ATP6V0E1: variants seen among roughly 807,000 people sequenced by gnomAD.
The protein encoded by ATP6V0E1 is ATPase H+ transporting V0 subunit e1, also known as V-type proton ATPase subunit e 1.
Under a neutral mutation model 11.6 loss-of-function variants are expected in ATP6V0E1, and 4 were observed. The observed-to-expected ratio is 0.35, with a 90% CI of 0.17 to 0.79. The LOEUF is 0.79. Ranked by LOEUF, ATP6V0E1 falls within the 30% of genes least tolerant of loss-of-function variation. The pLI, the probability that ATP6V0E1 is intolerant of heterozygous loss-of-function variation, is 0.54. For missense variants in ATP6V0E1, 105 were observed against 100.0 expected (o/e 1.05, Z -0.21); for synonymous variants, 36 against 34.8 (o/e 1.04, Z -0.13).
chr5:172,984,280 G>T lies in ATP6V0E1; in HGVS notation c.104+316G>T, dbSNP rs553590323. Among the ~76,000 whole-genome samples, 20 of 152,316 alleles carry T rather than the reference G, an allele frequency of 1.3e-4. No individual in the cohort carries two copies. The East Asian group carries it at 3.7e-3, about 28-fold the overall frequency. ...AGCAGGCCGAATCTGGGAGAAACTG[G>T]GGTTTGTCCCTAGTCGACTGTCCCC... is the stretch of plus-strand genomic sequence containing the variant. On this transcript the variant is annotated intron_variant, in intron 1 of 3. Coordinates refer to ENST00000519374, the MANE Select transcript of ATP6V0E1 (RefSeq NM_003945.4).
intron 2 of ATP6V0E1, among the ~76,000 whole-genome samples, chr5:173,013,981 T>C (rs576058231): frequency 1.3e-5 from 2 of 152,128 alleles, no homozygotes; most frequent in East Asian, 3.9e-4. Context: ...ATGTTCAACA[T>C]GGTGGAACCC....
At position 172,983,780 on chromosome 5, in the gene ATP6V0E1, G is replaced by A. The variant is rs1169868170; in HGVS notation, c.-81G>A. 4.3e-6 allele frequency: 6 copies of A among 1,382,056 alleles called. No homozygotes were observed. The highest frequency in any genetic ancestry group is 2.8e-5 in the African/African-American group (2 of 70,350). The allele number at this position is 1,382,056 out of a possible 1,614,324, so 85.6% of individuals were successfully genotyped here. Reference sequence around the variant, plus strand: ...GCGGGAGGCGGGGCTTGCACACGCTGGTCACGCGGTCAGCTATTGACACTT... The same window carrying A: ...GCGGGAGGCGGGGCTTGCACACGCTAGTCACGCGGTCAGCTATTGACACTT... On this transcript the variant is annotated 5_prime_UTR_variant, in exon 1 of 4. Coordinates refer to ENST00000519374, the MANE Select transcript of ATP6V0E1 (RefSeq NM_003945.4).
intron 2 of ATP6V0E1, among the ~76,000 whole-genome samples, chr5:173,019,337 C>T (rs866019560): frequency 3.3e-5 from 5 of 152,032 alleles, no homozygotes; most frequent in Admixed American, 6.6e-5. Context: ...GGGCACATCA[C>T]GAGGTCAGGA....
At chr5:173,013,186 A>C (rs1029016340) in intron 2 of ATP6V0E1, among the ~76,000 whole-genome samples, 1 of 152,004 alleles carries the variant, frequency 6.6e-6, no homozygotes, top group African/African-American at 2.4e-5. Context: ...TTGTGTTAAA[A>C]AAAAGAAAAA....
At chr5:172,997,576 G>A (rs918801268) in intron 2 of ATP6V0E1, among the ~76,000 whole-genome samples, 4 of 152,036 alleles carry the variant, frequency 2.6e-5, no homozygotes, top group African/African-American at 7.3e-5. Context: ...TTGGGAGGCC[G>A]AGGCGGGCGG....
chr5:172,998,378 G>T (rs964299711), intron 2 of ATP6V0E1, among the ~76,000 whole-genome samples: 1 of 151,616 alleles, frequency 6.6e-6, no homozygotes. Context: ...AGGCCAAGGC[G>T]GGAAGATCAC....
chr5:173,032,206 A>G (rs1414141539), intron 3 of ATP6V0E1, among the ~76,000 whole-genome samples: 3 of 151,530 alleles, frequency 2.0e-5, no homozygotes, highest in African/African-American at 7.3e-5. Context: ...ATCAAACCGC[A>G]TGCCTTTGCC....
chr5:173,008,658 C>T (rs1239799418), intron 2 of ATP6V0E1, among the ~76,000 whole-genome samples: 45 of 147,314 alleles, frequency 3.1e-4, no homozygotes, highest in South Asian at 2.2e-4. Context: ...ACCTGTAATC[C>T]CAGCACTTTG....
Position 172,985,573 on chromosome 5 carries a change from TG to T in ATP6V0E1, c.104+1610del, listed in dbSNP as rs148190251. 4.9e-3 allele frequency among the ~76,000 whole-genome samples: 739 copies of T among 152,316 alleles called. 3 individuals carry two copies. The highest frequency in any genetic ancestry group is 0.027 in the Middle Eastern group (8 of 294). On this transcript the variant is annotated intron_variant, in intron 1 of 3. Transcript: ENST00000519374. ...AGCGAACAACAAAGTGCTTCTTTGT[TG>T]TGTTTATATCTTCAACTGTTTCATT...
At chr5:173,009,456 CTTTTTTTTTTT>C (rs920585185) in intron 2 of ATP6V0E1, among the ~76,000 whole-genome samples, 1 of 105,210 alleles carries the variant, frequency 9.5e-6, no homozygotes, top group African/African-American at 3.9e-5. Flanking sequence ...AGCCACTTCC[CTTTTTTTTTTT>C]TTTTTTTTTT....
chr5:173,010,027 G>A (rs1364583763), intron 2 of ATP6V0E1, among the ~76,000 whole-genome samples: 1 of 152,212 alleles, frequency 6.6e-6, no homozygotes, highest in Non-Finnish European at 1.5e-5. Flanking sequence ...CTCCCAAAGT[G>A]CTGGAATTAC....
chr5:173,024,046 A>T lies in ATP6V0E1; in HGVS notation c.*36+3679A>T, dbSNP rs554146377. Among the ~76,000 whole-genome samples, 10 of 151,990 alleles carry T rather than the reference A, an allele frequency of 6.6e-5. No individual in the cohort carries two copies. The South Asian group carries it at 2.1e-3, about 32-fold the overall frequency. On this transcript the variant is annotated intron_variant, in intron 3 of 3. Coordinates refer to ENST00000519374, the MANE Select transcript of ATP6V0E1 (RefSeq NM_003945.4). Reference sequence around the variant, plus strand: ...CCCTTCTCTGCTAACAATACAAAAAAAATTAGCCAGGCATGGTGGTGGGCG... The same window carrying T: ...CCCTTCTCTGCTAACAATACAAAAATAATTAGCCAGGCATGGTGGTGGGCG...
At chr5:172,996,858 C>G (rs1756075139) in intron 2 of ATP6V0E1, among the ~76,000 whole-genome samples, 1 of 151,938 alleles carries the variant, frequency 6.6e-6, no homozygotes, top group Non-Finnish European at 1.5e-5. Flanking sequence ...TAAAAAATTA[C>G]TTTTCTTTAA....
intron 3 of ATP6V0E1, among the ~76,000 whole-genome samples, chr5:173,033,617 C>T (rs1370774819): frequency 1.3e-5 from 2 of 151,988 alleles, no homozygotes; most frequent in Non-Finnish European, 2.9e-5. Context: ...CGAGGATGGG[C>T]ACAACGCTTG....
chr5:172,990,056 T>C (rs1755957493), intron 1 of ATP6V0E1, among the ~76,000 whole-genome samples: 2 of 152,074 alleles, frequency 1.3e-5, no homozygotes, highest in African/African-American at 4.8e-5. Flanking sequence ...TATGCTGGTC[T>C]TGAACTCCTG....
chr5:172,986,586 C>T (rs1273017701), intron 1 of ATP6V0E1: 3 of 360,106 alleles, frequency 8.3e-6, no homozygotes, highest in Non-Finnish European at 1.6e-5. Flanking sequence ...TATGATCACA[C>T]CACTGTACTC....
At chr5:173,006,236 T>C (rs2113593791) in intron 2 of ATP6V0E1, among the ~76,000 whole-genome samples, 1 of 152,322 alleles carries the variant, frequency 6.6e-6, no homozygotes, top group South Asian at 2.1e-4. Flanking sequence ...TTCTTTCCTC[T>C]TGAATTCTGA....
intron 2 of ATP6V0E1, among the ~76,000 whole-genome samples, chr5:173,019,998 CAG>C (rs1432477870): frequency 6.6e-6 from 1 of 152,158 alleles, no homozygotes; most frequent in African/African-American, 2.4e-5. Flanking sequence ...AGAGAAAAGT[CAG>C]AGACTTACTG....
At chr5:173,005,773 T>C (rs544299065) in intron 2 of ATP6V0E1, among the ~76,000 whole-genome samples, 1 of 152,350 alleles carries the variant, frequency 6.6e-6, no homozygotes, top group African/African-American at 2.4e-5. Context: ...GCTTCAGTGA[T>C]ATCCCACAAA....
Sources: gnomAD v4.1 joint callset for allele counts (sites outside exome capture counted in the v4.1 genomes callset) on GRCh38, gnomAD v4.1.1 for gene constraint, MANE v1.5 for transcripts, NCBI Gene and HGNC (gene_info 2026-07-23, HGNC 2026-07-21) for gene names.